PIK3R3: variants seen among roughly 807,000 people sequenced by gnomAD.
The protein encoded by PIK3R3 is phosphatidylinositol 3-kinase regulatory subunit gamma.
In PIK3R3, 64 loss-of-function variants were observed where a neutral mutation model predicts 62.9. That is an observed-to-expected ratio of 1.02 (90% CI 0.83 to 1.25). The LOEUF (loss-of-function observed/expected upper bound fraction) is 1.25. Among genes scored for constraint, PIK3R3 ranks in the 50% most tolerant of loss-of-function variants. PIK3R3 has a pLI of 0.00. For missense variants in PIK3R3, 614 were observed against 561.6 expected (o/e 1.09, Z -0.94); for synonymous variants, 165 against 189.0 (o/e 0.87, Z 1.04).
intron 5 of PIK3R3, among the ~76,000 whole-genome samples, chr1:46,062,574 C>CG (rs1367706243): frequency 9.6e-4 from 66 of 68,532 alleles, no homozygotes; most frequent in African/African-American, 2.9e-3. Context: ...GACTTTGTCT[C>CG]AAAAAAACAA....
intron 7 of PIK3R3, among the ~76,000 whole-genome samples, chr1:46,051,484 C>T (rs1219364422): frequency 2.0e-5 from 3 of 152,092 alleles, no homozygotes; most frequent in Admixed American, 1.3e-4. Flanking sequence ...TGGTCTCGAA[C>T]TCCTGACCTC....
rs1420877210 is a variant in PIK3R3 at position 46,043,086 on chromosome 1, T to C, written c.*587A>G. 4 of 227,868 alleles carry C rather than the reference T, an allele frequency of 1.8e-5. No homozygotes were observed. Among genetic ancestry groups the C allele is most frequent in the African/African-American group, 8.9e-5 (4 of 44,996 alleles). The allele number at this position is 227,868 out of a possible 1,614,324, so 14.1% of individuals were successfully genotyped here. On this transcript the variant is annotated 3_prime_UTR_variant, in exon 10 of 10. Coordinates refer to ENST00000262741, the MANE Select transcript of PIK3R3 (RefSeq NM_003629.4). ...GATGCTGAAGCCTAAATTATGTTGG[T>C]AAGAAACAAAATACCTTCAGTTGAA... is the stretch of plus-strand genomic sequence containing the variant.
At chr1:46,132,983 G>A, upstream of PIK3R3, 1 of 1,092,188 alleles carries the variant, frequency 9.2e-7, no homozygotes, top group South Asian at 2.1e-5. Context: ...AGGCGAGGAG[G>A]GAGTGGGGCG....
the PIK3R3 span, among the ~76,000 whole-genome samples, chr1:46,171,443 G>A: frequency 3.3e-5 from 5 of 152,220 alleles, no homozygotes; most frequent in Admixed American, 6.5e-5. Context: ...AGCCAGTGGA[G>A]GAACCAGGGG....
chr1:46,083,723 C>T (rs1650814498), intron 1 of PIK3R3, among the ~76,000 whole-genome samples: 1 of 152,076 alleles, frequency 6.6e-6, no homozygotes, highest in Non-Finnish European at 1.5e-5. Context: ...ATCAAAACCA[C>T]AGTGAAATAC....
chr1:46,074,459 T>C (rs1332050158), intron 3 of PIK3R3, among the ~76,000 whole-genome samples: 2 of 152,126 alleles, frequency 1.3e-5, no homozygotes, highest in Non-Finnish European at 2.9e-5. Context: ...TTTTTTACCA[T>C]GTAGCACATC....
At chr1:46,113,656 C>T (rs1653929869) in intron 1 of PIK3R3, among the ~76,000 whole-genome samples, 1 of 152,164 alleles carries the variant, frequency 6.6e-6, no homozygotes, top group Non-Finnish European at 1.5e-5. Context: ...TGCATTTATT[C>T]AGGCTGTTAC....
At chr1:46,166,910 G>A in the PIK3R3 span, among the ~76,000 whole-genome samples, 1 of 152,302 alleles carries the variant, frequency 6.6e-6, no homozygotes, top group Admixed American at 6.5e-5. Context: ...CTCAGACCTC[G>A]AGACCAGGGT....
chr1:46,099,099 A>G (rs753025476), intron 1 of PIK3R3, among the ~76,000 whole-genome samples: 10 of 152,242 alleles, frequency 6.6e-5, no homozygotes, highest in Non-Finnish European at 1.3e-4. Flanking sequence ...ACTATATTAA[A>G]AACCACTGAT....
chr1:46,121,336 AG>A (rs1200167171), intron 1 of PIK3R3, among the ~76,000 whole-genome samples: 3 of 152,246 alleles, frequency 2.0e-5, no homozygotes, highest in African/African-American at 7.2e-5. Flanking sequence ...TGTTGTAAAA[AG>A]GTCACTCTAT....
intron 6 of PIK3R3, 63 bp from the exon 7 acceptor site, chr1:46,056,034 G>A (rs1039843369): frequency 9.2e-7 from 1 of 1,088,760 alleles, no homozygotes; most frequent in South Asian, 1.6e-5. Context: ...CCTACTGGGT[G>A]AGCACGGTCC....
At chr1:46,110,171 G>A (rs563260776) in intron 1 of PIK3R3, among the ~76,000 whole-genome samples, 1 of 151,184 alleles carries the variant, frequency 6.6e-6, no homozygotes, top group Admixed American at 6.6e-5. Context: ...GAGTGCAGTG[G>A]CACGATCTCA....
At chr1:46,153,860 T>C in the PIK3R3 span, among the ~76,000 whole-genome samples, 1 of 152,216 alleles carries the variant, frequency 6.6e-6, no homozygotes, top group African/African-American at 2.4e-5. Flanking sequence ...TGGAATACTA[T>C]GATAGACATA....
chr1:46,087,215 T>C (rs1394564997), intron 1 of PIK3R3, among the ~76,000 whole-genome samples: 7 of 151,908 alleles, frequency 4.6e-5, no homozygotes. Flanking sequence ...TGTATACATA[T>C]GTAACAAAAC....
chr1:46,084,930 C>T (rs1166583899), intron 1 of PIK3R3, among the ~76,000 whole-genome samples: 1 of 152,160 alleles, frequency 6.6e-6, no homozygotes, highest in Non-Finnish European at 1.5e-5. Context: ...CTCTAATCAC[C>T]TTCAAACGGT....
chr1:46,117,537 T>C (rs1313517064), intron 1 of PIK3R3, among the ~76,000 whole-genome samples: 1 of 152,104 alleles, frequency 6.6e-6, no homozygotes, highest in Non-Finnish European at 1.5e-5. Flanking sequence ...CCACATATAC[T>C]GTTAGTTGGC....
intron 5 of PIK3R3, among the ~76,000 whole-genome samples, chr1:46,063,650 C>T (rs1557570088): frequency 1.3e-5 from 2 of 152,148 alleles, no homozygotes; most frequent in South Asian, 4.1e-4. Context: ...TGCCACTATA[C>T]CACTACACCT....
chr1:46,069,178 C>T (rs377699185), intron 3 of PIK3R3, among the ~76,000 whole-genome samples: 1 of 152,058 alleles, frequency 6.6e-6, no homozygotes, highest in South Asian at 2.1e-4. Context: ...CATAAGCAAT[C>T]AGAAGAATGG....
At chr1:46,172,984 C>T in the PIK3R3 span, among the ~76,000 whole-genome samples, 5 of 151,668 alleles carry the variant, frequency 3.3e-5, no homozygotes, top group Non-Finnish European at 5.9e-5. Context: ...CAGAGCCAGG[C>T]GCTGTCTCAA....
Sources: allele counts gnomAD v4.1 joint callset (sites outside exome capture counted in the v4.1 genomes callset), GRCh38; gene constraint gnomAD v4.1.1; transcripts MANE v1.5; gene names NCBI Gene and HGNC (gene_info 2026-07-23, HGNC 2026-07-21).